Variants in TENM3 observed in about 807,000 individuals in gnomAD.
TENM3 encodes the protein teneurin-3.
Under a neutral mutation model 255.1 loss-of-function variants are expected in TENM3, and 63 were observed. The observed-to-expected ratio is 0.25, with a 90% CI of 0.20 to 0.30. The LOEUF is 0.30. Among genes scored for constraint, TENM3 ranks in the 10% least tolerant of loss-of-function variants. TENM3 has a pLI of 1.00. For synonymous variants in TENM3, 1,306 were observed against 1,322.3 expected (o/e 0.99, Z 0.27); for missense variants, 2,929 against 3,461.1 (o/e 0.85, Z 3.86).
the TENM3 span, among the ~76,000 whole-genome samples, chr4:181,658,586 T>A: frequency 6.6e-6 from 1 of 152,190 alleles, no homozygotes. Flanking sequence ...ATACAAATCC[T>A]GTTCTAGGAT....
chr4:181,867,895 T>C, the TENM3 span, among the ~76,000 whole-genome samples: 2 of 152,268 alleles, frequency 1.3e-5, no homozygotes, highest in South Asian at 4.1e-4. Flanking sequence ...ATGCCTCCAT[T>C]TTGTTTAAAG....
chr4:182,007,419 C>T, the TENM3 span, among the ~76,000 whole-genome samples: 1 of 152,154 alleles, frequency 6.6e-6, no homozygotes, highest in Non-Finnish European at 1.5e-5. Context: ...GTATTGGGTG[C>T]ATATATATTT....
intron 3 of TENM3, among the ~76,000 whole-genome samples, chr4:182,442,641 G>C (rs1317526725): frequency 6.6e-6 from 1 of 151,948 alleles, no homozygotes; most frequent in Admixed American, 6.6e-5. Flanking sequence ...ACCCAGGCTG[G>C]AGTGCAGTGG....
the TENM3 span, among the ~76,000 whole-genome samples, chr4:181,517,942 T>C: frequency 6.6e-6 from 1 of 152,164 alleles, no homozygotes; most frequent in African/African-American, 2.4e-5. Context: ...GTTCACTCAT[T>C]CAAAGCTATC....
rs1283936710 is a variant in TENM3, at chr4:182,773,529, C to T, written c.4950C>T (p.Asn1650=). The change falls in exon 23 of 28, where the codon AAC becomes AAT. Residue 1650 remains asparagine (N), a synonymous_variant. Coordinates refer to ENST00000511685, the MANE Select transcript of TENM3 (RefSeq NM_001080477.4). ...CGTTTCCAACTGGAGTGGTCACAAA[C>T]CTGCATGGGGACATGGACAAGGCTA... is the stretch of plus-strand genomic sequence containing the variant. ...NVTFPTGVVT[N]LHGDMDKAIT... is the part of the protein sequence containing the mutation. The T allele has an allele frequency of 1.9e-6, 3 of 1,613,732 alleles. No homozygotes were observed. Among genetic ancestry groups the T allele is most frequent in the African/African-American group, 1.3e-5 (1 of 75,040 alleles).
the TENM3 span, among the ~76,000 whole-genome samples, chr4:182,064,130 G>A: frequency 6.6e-6 from 1 of 151,146 alleles, no homozygotes; most frequent in South Asian, 2.1e-4. Context: ...CTTTCTTGTT[G>A]GGCATTGTAA....
chr4:182,054,435 G>T, the TENM3 span, among the ~76,000 whole-genome samples: 28 of 152,178 alleles, frequency 1.8e-4, no homozygotes, highest in Non-Finnish European at 3.7e-4. Context: ...TACCAAGTGT[G>T]ACGTACTGTT....
At chr4:182,441,451 C>T (rs2151258069) in intron 3 of TENM3, among the ~76,000 whole-genome samples, 1 of 152,312 alleles carries the variant, frequency 6.6e-6, no homozygotes, top group East Asian at 1.9e-4. Flanking sequence ...TCCATTGACC[C>T]ATCCATTCAT....
At chr4:181,545,087 T>C in the TENM3 span, among the ~76,000 whole-genome samples, 3 of 152,222 alleles carry the variant, frequency 2.0e-5, no homozygotes, top group East Asian at 5.8e-4. Flanking sequence ...AGTACATCAG[T>C]GACACACACT....
At chr4:181,562,326 C>A in the TENM3 span, among the ~76,000 whole-genome samples, 9 of 152,012 alleles carry the variant, frequency 5.9e-5, no homozygotes, top group East Asian at 9.7e-4. Flanking sequence ...ATTTTAATTT[C>A]TTTTAATTTC....
the TENM3 span, among the ~76,000 whole-genome samples, chr4:182,105,245 A>G: frequency 6.6e-6 from 1 of 152,148 alleles, no homozygotes; most frequent in African/African-American, 2.4e-5. Context: ...GCAGCTTCCC[A>G]GCCCTCCCCG....
the TENM3 span, among the ~76,000 whole-genome samples, chr4:181,465,593 T>C: frequency 2.0e-5 from 3 of 152,242 alleles, no homozygotes; most frequent in Non-Finnish European, 4.4e-5. Context: ...ATTTATTTCT[T>C]AGCGGAATTC....
At chr4:181,825,419 A>C in the TENM3 span, among the ~76,000 whole-genome samples, 2 of 150,002 alleles carry the variant, frequency 1.3e-5, no homozygotes, top group African/African-American at 4.9e-5. Flanking sequence ...AAAAAAAAAA[A>C]AAAAAAACAG....
the TENM3 span, among the ~76,000 whole-genome samples, chr4:182,011,459 A>G: frequency 6.6e-6 from 1 of 152,258 alleles, no homozygotes; most frequent in East Asian, 1.9e-4. Context: ...TGGATTCCCC[A>G]CATCCAATTT....
chr4:181,583,878 T>C, the TENM3 span, among the ~76,000 whole-genome samples: 1 of 152,350 alleles, frequency 6.6e-6, no homozygotes, highest in South Asian at 2.1e-4. Flanking sequence ...TGTTTTCAAC[T>C]CAAAATCCAT....
rs183139418 is a variant in TENM3 at position 182,170,592 on chromosome 4, A to C, written c.-76+25838A>C. ...GAAAGCCTACACTCTATGATGATGT[A>C]ATAAAATTTAATTAGTTGTAAGTCA... On this transcript the variant is annotated intron_variant, in intron 1 of 2. Transcript: ENST00000512480. 6.5e-4 allele frequency among the ~76,000 whole-genome samples: 95 copies of C among 145,480 alleles called. 1 individual carries two copies. Among genetic ancestry groups the C allele is most frequent in the Non-Finnish European group, 7.8e-4 (52 of 66,314 alleles).
the TENM3 span, among the ~76,000 whole-genome samples, chr4:182,039,650 C>T: frequency 6.6e-6 from 1 of 151,878 alleles, no homozygotes; most frequent in East Asian, 2.0e-4. Flanking sequence ...ATACATGACA[C>T]ACACATGCAC....
At chr4:182,109,977 G>A in the TENM3 span, among the ~76,000 whole-genome samples, 1 of 151,994 alleles carries the variant, frequency 6.6e-6, no homozygotes, top group Admixed American at 6.5e-5. Context: ...TGAATAAAAT[G>A]TGACATAAAA....
chr4:182,679,761 C>A lies in TENM3; in HGVS notation c.1422C>A (p.Ser474=), dbSNP rs368461634. Residue 474 remains serine (S), a synonymous_variant, in exon 8 of 28, where the codon TCC becomes TCA. Coordinates refer to ENST00000511685, the MANE Select transcript of TENM3 (RefSeq NM_001080477.4). The part of the protein sequence containing the change: ...ETERAGRQAR[S]VSLHEAGFIQ... ...AGAGAGCCGGGCGGCAGGCGAGATC[C>A]GTCAGCCTTCATGAGGCCGGCTTTA... The A allele has an allele frequency of 5.2e-5, 84 of 1,613,964 alleles. No homozygotes were observed. The African/African-American group carries it at 7.5e-4, about 14-fold the overall frequency.
Sources: allele counts gnomAD v4.1 joint callset (sites outside exome capture counted in the v4.1 genomes callset), GRCh38; gene constraint gnomAD v4.1.1; transcripts MANE v1.5; gene names NCBI Gene and HGNC (gene_info 2026-07-23, HGNC 2026-07-21).